The following LHPP variants were observed in gnomAD, a reference collection of about 807,000 sequenced individuals.
LHPP encodes the protein phospholysine phosphohistidine inorganic pyrophosphate phosphatase.
A neutral mutation model predicts 30.3 loss-of-function variants in LHPP; 24 were observed. The observed-to-expected ratio is 0.79, with a 90% CI of 0.57 to 1.11. The LOEUF (loss-of-function observed/expected upper bound fraction) is 1.11, where lower values mean the gene tolerates loss of function less well. LHPP is among the 50% of genes most tolerant of loss of function. LHPP has a pLI of 0.00. For synonymous variants in LHPP, 150 were observed against 157.1 expected, an observed-to-expected ratio of 0.95 and a Z score of 0.34; for missense variants, 356 against 367.2, an observed-to-expected ratio of 0.97 and a Z score of 0.25.
intron 1 of LHPP, among the ~76,000 whole-genome samples, chr10:124,479,137 C>T (rs1782629411): frequency 6.6e-6 from 1 of 151,864 alleles, no homozygotes; most frequent in South Asian, 2.1e-4. Flanking sequence ...CCATGGGACT[C>T]CTGGGGAGGA....
At chr10:124,497,551 A>G (rs1400451341) in intron 4 of LHPP, among the ~76,000 whole-genome samples, 2 of 152,054 alleles carry the variant, frequency 1.3e-5, no homozygotes, top group African/African-American at 2.4e-5. Flanking sequence ...CCCAGGTCCC[A>G]TTAGCTGCCC....
intron 5 of LHPP, among the ~76,000 whole-genome samples, chr10:124,515,277 C>T (rs914314926): frequency 3.3e-5 from 5 of 152,230 alleles, no homozygotes; most frequent in Non-Finnish European, 7.3e-5. Flanking sequence ...GGTATCTCTT[C>T]TGGCATTAAT....
chr10:124,497,301 G>A, intron 4 of LHPP, among the ~76,000 whole-genome samples: 1 of 46,730 alleles, frequency 2.1e-5, no homozygotes, highest in African/African-American at 8.6e-5. Flanking sequence ...ATCCTCCAGT[G>A]GGCGCAGCCC....
intron 6 of LHPP, among the ~76,000 whole-genome samples, chr10:124,574,685 T>C (rs1023634444): frequency 2.6e-4 from 39 of 151,934 alleles, no homozygotes; most frequent in African/African-American, 8.9e-4. Context: ...TTGGGCCCCG[T>C]AGGGCCAGAG....
At chr10:124,587,639 C>G (rs1948821374) in intron 6 of LHPP, among the ~76,000 whole-genome samples, 1 of 146,982 alleles carries the variant, frequency 6.8e-6, no homozygotes, top group Non-Finnish European at 1.5e-5. Flanking sequence ...ACTCGGGAGG[C>G]TGAGGCAGGA....
intron 1 of LHPP, among the ~76,000 whole-genome samples, chr10:124,467,554 GTC>G (rs1189709311): frequency 7.5e-6 from 1 of 132,870 alleles, no homozygotes; most frequent in Non-Finnish European, 1.6e-5. Flanking sequence ...ATCTTGATCT[GTC>G]TCCCAGGCTG....
At chr10:124,609,249 G>C (rs888595159) in intron 6 of LHPP, among the ~76,000 whole-genome samples, 2 of 152,192 alleles carry the variant, frequency 1.3e-5, no homozygotes, top group African/African-American at 2.4e-5. Context: ...CATTATATGT[G>C]GCTTCTCTTT....
chr10:124,612,618 G>A (rs1378008310), intron 6 of LHPP, among the ~76,000 whole-genome samples: 2 of 152,210 alleles, frequency 1.3e-5, no homozygotes, highest in East Asian at 3.9e-4. Flanking sequence ...TCAGCATCCA[G>A]TGAGACCTCA....
chr10:124,548,348 G>A (rs752360072), intron 6 of LHPP, among the ~76,000 whole-genome samples: 9 of 152,084 alleles, frequency 5.9e-5, no homozygotes, highest in Non-Finnish European at 1.0e-4. Context: ...CTTTCTACCC[G>A]GAACCCCCTG....
At chr10:124,530,243 C>T (rs1349025338) in intron 6 of LHPP, among the ~76,000 whole-genome samples, 3 of 152,170 alleles carry the variant, frequency 2.0e-5, no homozygotes, top group Non-Finnish European at 2.9e-5. Flanking sequence ...TGCGTCCCAG[C>T]CTGGTGGACC....
rs766614849 is a variant in LHPP at position 124,498,026 on chromosome 10, C to G, written c.532-10C>G. On this transcript the variant is annotated splice_polypyrimidine_tract_variant and intron_variant, in intron 4 of 6. Transcript: ENST00000368842. ...CCAAACTTATGCCATGTCCCTCTCT[C>G]TTTTCCCAGTATGCCTGTGGCATCA... 2 of 1,611,520 alleles carry G rather than the reference C, an allele frequency of 1.2e-6. No homozygotes were observed. Among genetic ancestry groups the G allele is most frequent in the East Asian group, 2.2e-5 (1 of 44,888 alleles).
At chr10:124,501,077 G>C (rs1953883963) in intron 5 of LHPP, among the ~76,000 whole-genome samples, 1 of 151,994 alleles carries the variant, frequency 6.6e-6, no homozygotes, top group African/African-American at 2.4e-5. Context: ...CCATAAAGAG[G>C]AATGAAGTTC....
At chr10:124,572,080 T>C (rs1948591838) in intron 6 of LHPP, among the ~76,000 whole-genome samples, 1 of 152,096 alleles carries the variant, frequency 6.6e-6, no homozygotes, top group Non-Finnish European at 1.5e-5. Context: ...AGGGGAAGCA[T>C]TGGCAGGGAG....
intron 6 of LHPP, among the ~76,000 whole-genome samples, chr10:124,530,408 G>A (rs780508343): frequency 6.6e-6 from 1 of 152,030 alleles, no homozygotes; most frequent in Non-Finnish European, 1.5e-5. Context: ...GTGTGCTCAC[G>A]AGGGGCCCCC....
intron 5 of LHPP, among the ~76,000 whole-genome samples, chr10:124,512,419 A>G (rs1277676909): frequency 6.6e-6 from 1 of 152,064 alleles, no homozygotes; most frequent in Non-Finnish European, 1.5e-5. Context: ...GATCAAGACC[A>G]TCTTGGTTAA....
chr10:124,540,021 AC>A (rs1353658507), intron 6 of LHPP, among the ~76,000 whole-genome samples: 1 of 152,124 alleles, frequency 6.6e-6, no homozygotes, highest in Non-Finnish European at 1.5e-5. Flanking sequence ...TTCAGCAGTT[AC>A]CCGCTTCTGC....
Position 124,484,135 on chromosome 10 carries a change from G to A in LHPP, c.126-4G>A, listed in dbSNP as rs368965634. On this transcript the variant is annotated splice_polypyrimidine_tract_variant and splice_region_variant and intron_variant, in intron 1 of 6. Coordinates refer to ENST00000368842, the MANE Select transcript of LHPP (RefSeq NM_022126.4). ...TTCCCGGGCCTGTGTCTCCCCTGCC[G>A]CAGACTGAAGCGTTCCCGGCTGAAG... is the stretch of plus-strand genomic sequence containing the variant. 2.2e-5 allele frequency: 35 copies of A among 1,613,040 alleles called. No individual in the cohort carries two copies. The highest frequency in any genetic ancestry group is 2.1e-4 in the African/African-American group (16 of 74,892).
chr10:124,556,440 A>T (rs56228749), intron 6 of LHPP, among the ~76,000 whole-genome samples: 1,577 of 152,350 alleles, frequency 0.01, 19 homozygotes, highest in African/African-American at 0.037. Context: ...TAGATGCTCC[A>T]TGTGTTTCCA....
intron 5 of LHPP, chr10:124,498,539 T>C (rs2133875963): frequency 2.2e-6 from 3 of 1,384,706 alleles, no homozygotes; most frequent in Non-Finnish European, 1.9e-6. Flanking sequence ...TTGGGATAGA[T>C]TGCCTTTCAA....
Sources: gnomAD v4.1 joint callset for allele counts (sites outside exome capture counted in the v4.1 genomes callset) on GRCh38, gnomAD v4.1.1 for gene constraint, MANE v1.5 for transcripts, NCBI Gene and HGNC (gene_info 2026-07-23, HGNC 2026-07-21) for gene names.